The following PTPN22 variants were observed in gnomAD, a reference collection of about 807,000 sequenced individuals.
PTPN22 encodes the protein protein tyrosine phosphatase non-receptor type 22.
A neutral mutation model predicts 103.3 loss-of-function variants in PTPN22; 85 were observed. The observed-to-expected ratio is 0.82, with a 90% CI of 0.69 to 0.99. The LOEUF (loss-of-function observed/expected upper bound fraction) is 0.99. Among genes scored for constraint, PTPN22 ranks in the 50% least tolerant of loss-of-function variants. The pLI, the probability that PTPN22 is intolerant of heterozygous loss-of-function variation, is 0.00. For synonymous variants in PTPN22, 323 were observed against 310.2 expected (o/e 1.04, Z -0.43); for missense variants, 865 against 936.9 (o/e 0.92, Z 1.00).
chr1:113,830,874 G>A (rs965638040), intron 16 of PTPN22, among the ~76,000 whole-genome samples: 7 of 152,036 alleles, frequency 4.6e-5, no homozygotes, highest in African/African-American at 1.2e-4. Flanking sequence ...AAGTACAAGA[G>A]GTTCACATGT....
At chr1:113,818,892 A>G (rs1661367938) in intron 20 of PTPN22, among the ~76,000 whole-genome samples, 1 of 152,212 alleles carries the variant, frequency 6.6e-6, no homozygotes, top group Non-Finnish European at 1.5e-5. Flanking sequence ...TGTGTAAGTA[A>G]GGACAATACC....
At chr1:113,847,377 G>T (rs1170691550) in intron 11 of PTPN22, among the ~76,000 whole-genome samples, 1 of 139,022 alleles carries the variant, frequency 7.2e-6, no homozygotes, top group East Asian at 2.1e-4. Context: ...GCTCATTGAA[G>T]CATTTTTATC....
intron 20 of PTPN22, among the ~76,000 whole-genome samples, chr1:113,816,253 G>A (rs182021654): frequency 2.0e-5 from 3 of 152,010 alleles, no homozygotes; most frequent in Admixed American, 6.6e-5. Context: ...CAGGTGGATC[G>A]CTTGAGCCGA....
In PTPN22 at chr1:113,833,152, AGAAAG is replaced by A. The variant is rs1364187276; in HGVS notation, c.2026-19_2026-15del. ...GAGTTTTACACTCTAAAAGAAAAAAAGAAAGGAAAAGTGAAAGAAGAATATGTATA... is the reference window on the plus strand; with the variant it reads ...GAGTTTTACACTCTAAAAGAAAAAAAGAAAAGTGAAAGAAGAATATGTATA... On this transcript the variant is annotated splice_polypyrimidine_tract_variant and intron_variant, in intron 15 of 20. Transcript: ENST00000359785. The A allele has an allele frequency of 3.3e-6, 5 of 1,536,744 alleles. No individual in the cohort carries two copies. Among genetic ancestry groups the A allele is most frequent in the Non-Finnish European group, 4.4e-6 (5 of 1,125,282 alleles).
intron 10 of PTPN22, among the ~76,000 whole-genome samples, chr1:113,851,708 TA>T (rs1412159684): frequency 6.6e-6 from 1 of 152,220 alleles, no homozygotes; most frequent in Non-Finnish European, 1.5e-5. Flanking sequence ...TAACATGACC[TA>T]GCTATTTCAA....
chr1:113,860,379 C>T (rs990519409), intron 1 of PTPN22, among the ~76,000 whole-genome samples: 1 of 152,060 alleles, frequency 6.6e-6, no homozygotes, highest in African/African-American at 2.4e-5. Flanking sequence ...ACATAGTGTA[C>T]GTAAGATTTG....
At chr1:113,833,829 C>T (rs1216332437) in intron 15 of PTPN22, among the ~76,000 whole-genome samples, 1 of 152,200 alleles carries the variant, frequency 6.6e-6, no homozygotes. Flanking sequence ...GTAATATGCA[C>T]ACCTGTCATT....
At chr1:113,834,175 C>T (rs1662782734) in intron 15 of PTPN22, 134 bp downstream of exon 15, 1 of 980,274 alleles carries the variant, frequency 1.0e-6, no homozygotes. Context: ...CCTTTTTATC[C>T]CAACATCCTC....
At chr1:113,837,490 G>A in intron 13 of PTPN22, 100 bp downstream of exon 13, 5 of 798,202 alleles carry the variant, frequency 6.3e-6, no homozygotes, top group Middle Eastern at 3.6e-4. Flanking sequence ...GAAAGAAAGA[G>A]AAGAAGCAGA....
intron 11 of PTPN22, among the ~76,000 whole-genome samples, chr1:113,844,759 T>C (rs2102015494): frequency 6.6e-6 from 1 of 152,346 alleles, no homozygotes; most frequent in East Asian, 1.9e-4. Context: ...TGTGGTTTGA[T>C]TTCCAAGGAT....
Position 113,854,549 on chromosome 1 carries a change from G to A in PTPN22, c.684-12C>T. 1 of 1,609,322 alleles carries A rather than the reference G, an allele frequency of 6.2e-7. No individual in the cohort carries two copies. Among genetic ancestry groups the A allele is most frequent in the Non-Finnish European group, 8.5e-7 (1 of 1,175,676 alleles). ...TTCCACAGCCAGCACTGAAATGAAA[G>A]ATCACAGTAGCATGTATGCATGTAT... is the stretch of plus-strand genomic sequence containing the variant. On this transcript the variant is annotated splice_polypyrimidine_tract_variant and intron_variant, in intron 8 of 20. Transcript: ENST00000359785.
intron 20 of PTPN22, among the ~76,000 whole-genome samples, chr1:113,818,954 C>G (rs1661371255): frequency 6.6e-6 from 1 of 152,198 alleles, no homozygotes; most frequent in South Asian, 2.1e-4. Flanking sequence ...AGGCCTCACA[C>G]TCTTTCAAGG....
intron 6 of PTPN22, 29 bp downstream of exon 6, chr1:113,856,519 T>G (rs1280092453): frequency 1.2e-6 from 2 of 1,614,178 alleles, no homozygotes; most frequent in South Asian, 1.1e-5. Context: ...GAGGCTTTAC[T>G]CAGACATGAG....
chr1:113,871,484 G>A, intron 1 of PTPN22, 53 bp downstream of exon 1: 2 of 1,482,062 alleles, frequency 1.3e-6, no homozygotes, highest in Middle Eastern at 1.7e-4. Context: ...GACCCCCATA[G>A]TCAGTTAAAT....
At chr1:113,818,747 T>C (rs1661358966) in intron 20 of PTPN22, among the ~76,000 whole-genome samples, 1 of 152,226 alleles carries the variant, frequency 6.6e-6, no homozygotes, top group African/African-American at 2.4e-5. Flanking sequence ...CAAGGGAATA[T>C]GAGCTGATAT....
intron 1 of PTPN22, among the ~76,000 whole-genome samples, chr1:113,864,768 CGGGCA>C (rs1558058765): frequency 1.3e-5 from 2 of 152,044 alleles, no homozygotes; most frequent in African/African-American, 4.8e-5. Flanking sequence ...AAAAATTAGC[CGGGCA>C]TGGTGACACA....
intron 13 of PTPN22, among the ~76,000 whole-genome samples, chr1:113,835,769 T>C (rs1363261872): frequency 1.3e-5 from 2 of 152,128 alleles, no homozygotes; most frequent in African/African-American, 4.8e-5. Flanking sequence ...TTCAAGAATA[T>C]GGGTATTTTT....
At chr1:113,853,844 G>C (rs12729708) in intron 9 of PTPN22, among the ~76,000 whole-genome samples, 31,234 of 144,296 alleles carry the variant, frequency 0.22, 4,309 homozygotes, top group South Asian at 0.39. Context: ...ACCATGCCTG[G>C]CTAATTTTTT....
chr1:113,861,313 T>C (rs1275480592), intron 1 of PTPN22, among the ~76,000 whole-genome samples: 1 of 152,180 alleles, frequency 6.6e-6, no homozygotes, highest in African/African-American at 2.4e-5. Flanking sequence ...TGATCTCGGT[T>C]CACTGCAACC....
Sources: gnomAD v4.1 joint callset for allele counts (sites outside exome capture counted in the v4.1 genomes callset) on GRCh38, gnomAD v4.1.1 for gene constraint, MANE v1.5 for transcripts, NCBI Gene and HGNC (gene_info 2026-07-23, HGNC 2026-07-21) for gene names.